The following ASIP variants were observed in gnomAD, a reference collection of about 807,000 sequenced individuals.
ASIP encodes agouti-signaling protein.
A neutral mutation model predicts 10.3 loss-of-function variants in ASIP; 11 were observed. That is an observed-to-expected ratio of 1.07 (90% CI 0.68 to 1.78). ASIP has a LOEUF of 1.78. ASIP is among the 40% of genes most tolerant of loss of function. The probability of loss-of-function intolerance (pLI) is 0.00; values close to 1 mark genes in which losing one functional copy is unlikely to be tolerated. For missense variants in ASIP, 180 were observed against 169.2 expected (o/e 1.06, Z -0.35); for synonymous variants, 70 against 70.8 (o/e 0.99, Z 0.06).
intron 1 of ASIP, among the ~76,000 whole-genome samples, chr20:34,204,066 TG>T (rs2034918787): frequency 6.6e-6 from 1 of 152,250 alleles, no homozygotes; most frequent in South Asian, 2.1e-4. Context: ...TGTTTGATGC[TG>T]GCATATTGAC....
At chr20:34,257,069 TC>T (rs1389379021) in intron 1 of ASIP, among the ~76,000 whole-genome samples, 45 of 107,926 alleles carry the variant, frequency 4.2e-4, no homozygotes, top group South Asian at 5.1e-4. Context: ...TCTTTCTTTC[TC>T]TTTTTTTTTT....
upstream of ASIP, among the ~76,000 whole-genome samples, chr20:34,193,793 A>G (rs909492607): frequency 1.3e-5 from 2 of 152,256 alleles, no homozygotes; most frequent in African/African-American, 4.8e-5. Context: ...CAGTCCAACA[A>G]ATAGCCAAAT....
Position 34,269,214 on chromosome 20 carries a change from G to C in ASIP, c.*47G>C. On this transcript the variant is annotated 3_prime_UTR_variant, in exon 4 of 4. Transcript: ENST00000374954. Reference sequence around the variant, plus strand: ...AGCAGGCAGGGCTTCGGGGACGCGGGGCGCTTCTCGGGCGGGTGATCCCTA... The same window carrying C: ...AGCAGGCAGGGCTTCGGGGACGCGGCGCGCTTCTCGGGCGGGTGATCCCTA... 3 of 1,440,450 alleles carry C rather than the reference G, an allele frequency of 2.1e-6. No individual in the cohort carries two copies. Among genetic ancestry groups the C allele is most frequent in the Non-Finnish European group, 2.7e-6 (3 of 1,100,810 alleles). The allele number at this position is 1,440,450 out of a possible 1,614,324, so 89.2% of individuals were successfully genotyped here. A position where few individuals can be genotyped will look rare whatever the true frequency, so the allele number is the denominator to read the frequency against.
chr20:34,197,724 T>C (rs1460413712), intron 1 of ASIP, among the ~76,000 whole-genome samples: 2 of 152,136 alleles, frequency 1.3e-5, no homozygotes, highest in Non-Finnish European at 2.9e-5. Context: ...TGGCTCCTAG[T>C]GAAGGCATTC....
intron 1 of ASIP, among the ~76,000 whole-genome samples, chr20:34,211,777 G>A (rs1211596343): frequency 6.6e-6 from 1 of 152,076 alleles, no homozygotes; most frequent in East Asian, 1.9e-4. Flanking sequence ...CTTACTTTTT[G>A]ATCTTTTGCA....
chr20:34,256,613 G>A (rs139046575), intron 1 of ASIP, among the ~76,000 whole-genome samples: 1 of 151,928 alleles, frequency 6.6e-6, no homozygotes, highest in Non-Finnish European at 1.5e-5. Flanking sequence ...TCTTTTTCTA[G>A]CTCAGATTTT....
At chr20:34,235,846 AAGGAAGGAAGGAAGGAAGGAAAGGAAG>A (rs2035183871) in intron 1 of ASIP, among the ~76,000 whole-genome samples, 4 of 45,566 alleles carry the variant, frequency 8.8e-5, no homozygotes, top group African/African-American at 3.0e-4. Flanking sequence ...AGAAAGAAGG[AAGGAAGGAAGGAAGGAAGGAAAGGAAG>A]GAAGGAAGGA....
chr20:34,219,696 T>C (rs1180869729), intron 1 of ASIP, among the ~76,000 whole-genome samples: 1 of 152,230 alleles, frequency 6.6e-6, no homozygotes, highest in Non-Finnish European at 1.5e-5. Flanking sequence ...GTAAGGTTGC[T>C]TGTGGGTGGT....
the ASIP span, among the ~76,000 whole-genome samples, chr20:34,187,486 A>G: frequency 7.2e-5 from 11 of 152,246 alleles, no homozygotes; most frequent in Admixed American, 7.2e-4. Flanking sequence ...CACAAGCCTA[A>G]TCACTTTAAG....
At chr20:34,246,430 T>C (rs2035376872) in intron 1 of ASIP, 1 of 1,358,068 alleles carries the variant, frequency 7.4e-7, no homozygotes, top group African/African-American at 1.4e-5. Flanking sequence ...CTGTTGGTAA[T>C]GAACAGACTC....
intron 1 of ASIP, among the ~76,000 whole-genome samples, chr20:34,219,330 T>A (rs1353788706): frequency 6.6e-6 from 1 of 152,174 alleles, no homozygotes; most frequent in East Asian, 1.9e-4. Flanking sequence ...ACCTTTTCTA[T>A]CTTTACACAT....
At chr20:34,253,806 A>C (rs1241527234) in intron 1 of ASIP, among the ~76,000 whole-genome samples, 1 of 152,112 alleles carries the variant, frequency 6.6e-6, no homozygotes, top group East Asian at 1.9e-4. Flanking sequence ...ACCTAGGGTC[A>C]GGCAGCCATT....
At chr20:34,187,254 G>A in the ASIP span, among the ~76,000 whole-genome samples, 3 of 152,146 alleles carry the variant, frequency 2.0e-5, no homozygotes, top group African/African-American at 4.8e-5. Flanking sequence ...TCCTAAATTG[G>A]TTCTTTTTTT....
intron 1 of ASIP, among the ~76,000 whole-genome samples, chr20:34,234,186 T>G (rs979913514): frequency 6.6e-6 from 1 of 152,224 alleles, no homozygotes. Flanking sequence ...GCCCTTACCA[T>G]GCACACCACA....
At chr20:34,245,265 C>A (rs1366202347) in intron 1 of ASIP, among the ~76,000 whole-genome samples, 1 of 134,332 alleles carries the variant, frequency 7.4e-6, no homozygotes, top group African/African-American at 2.8e-5. Flanking sequence ...ACCTGGGAGG[C>A]GGAGGTGGCA....
intron 1 of ASIP, among the ~76,000 whole-genome samples, chr20:34,253,099 C>T (rs181072229): frequency 1.3e-5 from 2 of 152,134 alleles, no homozygotes; most frequent in Admixed American, 1.3e-4. Context: ...AACCTGATCT[C>T]TCTTTCTTTT....
chr20:34,194,658 C>T (rs1202821761), exon 1 of ASIP: 4 of 152,200 alleles, frequency 2.6e-5, no homozygotes, highest in Admixed American at 6.5e-5. Context: ...CTAAAAACTA[C>T]GTCTTGACTT....
chr20:34,220,143 G>T (rs1879838841), intron 1 of ASIP, among the ~76,000 whole-genome samples: 1 of 151,482 alleles, frequency 6.6e-6, no homozygotes, highest in South Asian at 2.1e-4. Flanking sequence ...TTACTTCAGA[G>T]ATGGTTTATG....
At chr20:34,258,935 A>C (rs946939026) in intron 1 of ASIP, among the ~76,000 whole-genome samples, 1 of 141,766 alleles carries the variant, frequency 7.1e-6, no homozygotes, top group South Asian at 2.2e-4. Context: ...CAAATGAACA[A>C]ATATGGCTGA....
Sources: gnomAD v4.1 joint callset for allele counts (sites outside exome capture counted in the v4.1 genomes callset) on GRCh38, gnomAD v4.1.1 for gene constraint, MANE v1.5 for transcripts, NCBI Gene and HGNC (gene_info 2026-07-23, HGNC 2026-07-21) for gene names.